The following ADAMTSL1 variants were observed in gnomAD, a reference collection of about 807,000 sequenced individuals.
ADAMTSL1 encodes the protein ADAMTS like 1.
In ADAMTSL1, 126 loss-of-function variants were observed where a neutral mutation model predicts 201.8. The ratio of observed to expected loss-of-function variants is 0.62; its 90% CI spans 0.54 to 0.72. The LOEUF is 0.72. Among genes scored for constraint, ADAMTSL1 ranks in the 30% least tolerant of loss-of-function variants. ADAMTSL1 has a pLI of 0.00. For synonymous variants in ADAMTSL1, 1,121 were observed against 903.4 expected, an observed-to-expected ratio of 1.24 and a Z score of -4.32; for missense variants, 2,679 against 2,277.8, an observed-to-expected ratio of 1.18 and a Z score of -3.59.
chr9:18,178,273 C>T (rs1471035402), intron 2 of ADAMTSL1, among the ~76,000 whole-genome samples: 1 of 152,140 alleles, frequency 6.6e-6, no homozygotes, highest in African/African-American at 2.4e-5. Flanking sequence ...ACAGACGGCA[C>T]CTGGAAAATC....
chr9:18,064,946 TGC>T (rs1156973939), intron 1 of ADAMTSL1, among the ~76,000 whole-genome samples: 1 of 139,638 alleles, frequency 7.2e-6, no homozygotes, highest in African/African-American at 2.7e-5. Context: ...AAGCAGTATT[TGC>T]TAAAGATTTT....
chr9:18,182,211 C>T (rs1172768685), intron 2 of ADAMTSL1, among the ~76,000 whole-genome samples: 6 of 150,910 alleles, frequency 4.0e-5, no homozygotes, highest in Middle Eastern at 3.4e-3. Flanking sequence ...GTGGGTGCAG[C>T]GCACCAGCAT....
At chr9:18,082,827 G>T (rs925370916) in intron 1 of ADAMTSL1, among the ~76,000 whole-genome samples, 6 of 152,182 alleles carry the variant, frequency 3.9e-5, no homozygotes, top group African/African-American at 1.4e-4. Flanking sequence ...AAGAAAAAAT[G>T]CCTGGCCTCC....
chr9:18,305,863 G>C (rs1833888868), intron 2 of ADAMTSL1, among the ~76,000 whole-genome samples: 1 of 151,982 alleles, frequency 6.6e-6, no homozygotes, highest in Non-Finnish European at 1.5e-5. Flanking sequence ...TCTACTAAGA[G>C]ACAGACTGCC....
At chr9:18,219,536 T>G (rs989566858) in intron 2 of ADAMTSL1, among the ~76,000 whole-genome samples, 32 of 151,930 alleles carry the variant, frequency 2.1e-4, no homozygotes, top group South Asian at 4.1e-4. Flanking sequence ...GCCTGGCTAA[T>G]TTTTGTATTT....
At chr9:17,941,027 T>G (rs944511186) in intron 1 of ADAMTSL1, among the ~76,000 whole-genome samples, 18 of 144,668 alleles carry the variant, frequency 1.2e-4, no homozygotes, top group African/African-American at 4.5e-4. Flanking sequence ...TGCTGACTCT[T>G]TGTTTTTTAA....
intron 1 of ADAMTSL1, among the ~76,000 whole-genome samples, chr9:18,126,584 G>A (rs1174679053): frequency 1.3e-5 from 2 of 152,138 alleles, no homozygotes; most frequent in Non-Finnish European, 2.9e-5. Flanking sequence ...GCCACTTGGG[G>A]AATAAAATCA....
intron 23 of ADAMTSL1, among the ~76,000 whole-genome samples, chr9:18,866,736 C>G (rs919156671): frequency 6.6e-6 from 1 of 152,158 alleles, no homozygotes. Flanking sequence ...TTAACAAAGA[C>G]TCCCAGCAAC....
Position 18,777,081 on chromosome 9 carries a change from C to G in ADAMTSL1, c.2852C>G (p.Pro951Arg), listed in dbSNP as rs1821069456. 6.2e-7 allele frequency: 1 copy of G among 1,613,288 alleles called. No individual in the cohort carries two copies. Among genetic ancestry groups the G allele is most frequent in the Non-Finnish European group, 8.5e-7 (1 of 1,179,812 alleles). ...DAGVYTCSAG[P>R]AREHFVIKLI... Reference sequence around the variant, plus strand: ...GGCGTCTACACCTGCTCAGCGGGCCCGGCCCGGGAGCACTTTGTGATTAAG... The same window carrying G: ...GGCGTCTACACCTGCTCAGCGGGCCGGGCCCGGGAGCACTTTGTGATTAAG... Residue 951 changes from proline to arginine, a missense_variant, in exon 19 of 29, where the codon CCG becomes CGG. Physicochemically the swap from Pro to Arg is moderately radical, Grantham distance 103. Coordinates refer to ENST00000380548, the MANE Select transcript of ADAMTSL1 (RefSeq NM_001040272.6).
At chr9:18,710,664 TTGTTTTG>T (rs1175798868) in intron 14 of ADAMTSL1, among the ~76,000 whole-genome samples, 82 of 78,524 alleles carry the variant, frequency 1.0e-3, no homozygotes, top group African/African-American at 3.1e-3. Flanking sequence ...GGCCTAAGTT[TTGTTTTG>T]TTTTTTTTTT....
intron 1 of ADAMTSL1, among the ~76,000 whole-genome samples, chr9:18,022,282 T>C (rs1820509472): frequency 6.6e-6 from 1 of 152,140 alleles, no homozygotes; most frequent in South Asian, 2.1e-4. Context: ...CATAGATACC[T>C]GAGCAGCTGC....
intron 3 of ADAMTSL1, among the ~76,000 whole-genome samples, chr9:18,547,622 G>A (rs1820544815): frequency 8.5e-6 from 1 of 117,332 alleles, no homozygotes; most frequent in Middle Eastern, 4.6e-3. Flanking sequence ...AAGAGCGGCT[G>A]TATATATATA....
intron 2 of ADAMTSL1, among the ~76,000 whole-genome samples, chr9:18,191,740 T>A (rs1587275383): frequency 6.6e-6 from 1 of 152,218 alleles, no homozygotes; most frequent in Non-Finnish European, 1.5e-5. Flanking sequence ...TTGTGGTAAC[T>A]GGCATCAATT....
chr9:18,723,162 A>G, intron 15 of ADAMTSL1: 1 of 721,752 alleles, frequency 1.4e-6, no homozygotes, highest in Middle Eastern at 2.6e-4. Context: ...TGCAAAGTGA[A>G]CTGGTTGTAC....
At chr9:18,547,633 T>TAAAAAAAAAAAAAAAA (rs56789652) in intron 3 of ADAMTSL1, among the ~76,000 whole-genome samples, 3 of 86,264 alleles carry the variant, frequency 3.5e-5, no homozygotes, top group Admixed American at 1.3e-4. Flanking sequence ...TATATATATA[T>TAAAAAAAAAAAAAAAA]AAAAAAAAAA....
chr9:18,185,040 G>C, intron 2 of ADAMTSL1, among the ~76,000 whole-genome samples: 1 of 152,020 alleles, frequency 6.6e-6, no homozygotes. Flanking sequence ...GGGCATTTTG[G>C]ATGTCAGATT....
intron 1 of ADAMTSL1, among the ~76,000 whole-genome samples, chr9:18,500,900 A>G (rs1822794824): frequency 6.6e-6 from 1 of 152,212 alleles, no homozygotes; most frequent in Admixed American, 6.5e-5. Context: ...CTCACATGAC[A>G]TTGCTGCTGA....
chr9:18,808,438 G>A (rs982744368), intron 20 of ADAMTSL1, among the ~76,000 whole-genome samples: 4 of 152,148 alleles, frequency 2.6e-5, no homozygotes, highest in African/African-American at 9.7e-5. Flanking sequence ...GAAGTAGCCT[G>A]TGCTAACAAC....
intron 2 of ADAMTSL1, among the ~76,000 whole-genome samples, chr9:18,229,135 A>G (rs868424911): frequency 1.3e-5 from 2 of 152,208 alleles, no homozygotes; most frequent in Non-Finnish European, 2.9e-5. Flanking sequence ...GCTGCCAAAA[A>G]TTAGTCCCAG....
Sources: allele counts gnomAD v4.1 joint callset (sites outside exome capture counted in the v4.1 genomes callset), GRCh38; gene constraint gnomAD v4.1.1; transcripts MANE v1.5; gene names NCBI Gene and HGNC (gene_info 2026-07-23, HGNC 2026-07-21).